The following SEC24B variants were observed in gnomAD, a reference collection of about 807,000 sequenced individuals.
SEC24B encodes the protein protein transport protein Sec24B.
SEC24B carries 45 observed loss-of-function variants against 142.8 expected under a neutral mutation model. The ratio of observed to expected loss-of-function variants is 0.32; its 90% CI spans 0.25 to 0.40. SEC24B has a LOEUF of 0.40. Among genes scored for constraint, SEC24B ranks in the 10% least tolerant of loss-of-function variants. The pLI, the probability that SEC24B is intolerant of heterozygous loss-of-function variation, is 1.00. For synonymous variants in SEC24B, 574 were observed against 568.2 expected (o/e 1.01, Z -0.15); for missense variants, 1,409 against 1,526.8 (o/e 0.92, Z 1.29).
At chr4:109,472,285 G>A (rs1297311337) in intron 2 of SEC24B, among the ~76,000 whole-genome samples, 14 of 152,040 alleles carry the variant, frequency 9.2e-5, no homozygotes, top group Admixed American at 9.2e-4. Flanking sequence ...GTTATCTCTT[G>A]GTTGGATAAT....
intron 3 of SEC24B, among the ~76,000 whole-genome samples, chr4:109,477,560 G>A (rs1163255040): frequency 1.3e-5 from 2 of 151,984 alleles, no homozygotes; most frequent in Non-Finnish European, 2.9e-5. Flanking sequence ...TCCCAGGCTC[G>A]AGTGATTATC....
At chr4:109,525,900 T>A (rs1212903331) in intron 16 of SEC24B, among the ~76,000 whole-genome samples, 2 of 152,158 alleles carry the variant, frequency 1.3e-5, no homozygotes, top group Non-Finnish European at 2.9e-5. Flanking sequence ...TTATTTTAAA[T>A]CTAGGATGAG....
In SEC24B at chr4:109,540,570, C is replaced by G. The variant is rs928728727; in HGVS notation, c.*895C>G. ...TACTAATTGGGGAAGTGCAGTGATA[C>G]TGCATTTCAGTTAGTAATATATATG... On this transcript the variant is annotated 3_prime_UTR_variant, in exon 24 of 24. Coordinates refer to ENST00000265175, the MANE Select transcript of SEC24B (RefSeq NM_006323.5). The G allele has an allele frequency of 5.3e-5, 8 of 151,980 alleles. No homozygotes were observed. The highest frequency in any genetic ancestry group is 1.9e-4 in the African/African-American group (8 of 41,368). 9.4% of individuals were successfully genotyped at this position (151,980 alleles called of 1,614,324 possible).
Position 109,463,018 on chromosome 4 carries a change from A to T in SEC24B, c.251A>T (p.Asp84Val). 1 of 1,614,090 alleles carries T rather than the reference A, an allele frequency of 6.2e-7. No homozygotes were observed. Among genetic ancestry groups the T allele is most frequent in the Non-Finnish European group, 8.5e-7 (1 of 1,180,000 alleles). The change falls in exon 2 of 24, where the codon GAT becomes GTT. Residue 84 changes from aspartate to valine, a missense_variant. Coordinates refer to ENST00000265175, the MANE Select transcript of SEC24B (RefSeq NM_006323.5). The stretch of plus-strand genomic sequence containing the variant: ...GGGAAAATGACCTCATTGCCATTGG[A>T]TACCCAGTGTGGTGATTACTACTCT... ...GPGKMTSLPLDTQCGDYYSAL... is the reference protein window; with the variant it reads ...GPGKMTSLPLVTQCGDYYSAL...
intron 1 of SEC24B, among the ~76,000 whole-genome samples, chr4:109,446,414 A>T (rs1191126971): frequency 6.6e-6 from 1 of 152,206 alleles, no homozygotes; most frequent in Non-Finnish European, 1.5e-5. Context: ...TCCAAAGGGA[A>T]CCAGCCCTGT....
intron 1 of SEC24B, among the ~76,000 whole-genome samples, chr4:109,452,886 TA>T (rs1275381806): frequency 3.3e-5 from 5 of 152,242 alleles, no homozygotes; most frequent in Admixed American, 1.3e-4. Flanking sequence ...TATTTTATTT[TA>T]TTTTTTTAGA....
intron 1 of SEC24B, among the ~76,000 whole-genome samples, chr4:109,445,012 C>T (rs915350098): frequency 6.6e-6 from 1 of 152,124 alleles, no homozygotes; most frequent in African/African-American, 2.4e-5. Flanking sequence ...CAACCTCGAT[C>T]TCCTGGGGTC....
intron 9 of SEC24B, among the ~76,000 whole-genome samples, chr4:109,512,569 C>G (rs1482231234): frequency 6.6e-6 from 1 of 151,942 alleles, no homozygotes; most frequent in Non-Finnish European, 1.5e-5. Flanking sequence ...AAATAGGATA[C>G]AAGTCTAAGA....
chr4:109,443,807 C>A (rs1445721264), intron 1 of SEC24B, among the ~76,000 whole-genome samples: 1 of 152,152 alleles, frequency 6.6e-6, no homozygotes, highest in African/African-American at 2.4e-5. Context: ...GTTAGAACTT[C>A]AGCTATATCT....
intron 6 of SEC24B, among the ~76,000 whole-genome samples, chr4:109,495,397 G>A (rs906892367): frequency 2.6e-5 from 4 of 152,058 alleles, no homozygotes; most frequent in South Asian, 2.1e-4. Context: ...CCGGTGGTTC[G>A]TCATCTTGCA....
chr4:109,494,502 A>C (rs1735331979), intron 5 of SEC24B, 113 bp from the exon 6 acceptor site: 2 of 1,394,056 alleles, frequency 1.4e-6, no homozygotes, highest in Admixed American at 2.1e-5. Context: ...TCTTAGAATA[A>C]AAAGCTTTAA....
rs1019679119 is a variant in SEC24B, at chr4:109,501,865, G to A, written c.1489-4463G>A. On this transcript the variant is annotated intron_variant, in intron 6 of 23. Coordinates refer to ENST00000265175, the MANE Select transcript of SEC24B (RefSeq NM_006323.5). ...GTACTATTCTAGGCACTGAGAATAC[G>A]AGAGGAGGCTCAGTGAACCAAACAG... 3.9e-5 allele frequency among the ~76,000 whole-genome samples: 6 copies of A among 152,230 alleles called. No individual in the cohort carries two copies. In the South Asian group the frequency reaches 6.2e-4, roughly 16 times the overall value.
chr4:109,524,705 T>G, intron 14 of SEC24B, 113 bp from the exon 15 acceptor site: 2 of 891,004 alleles, frequency 2.2e-6, no homozygotes, highest in South Asian at 4.5e-5. Context: ...CCTAGACATT[T>G]AGAAAACTCT....
chr4:109,480,045 T>C (rs1358057981), intron 3 of SEC24B, among the ~76,000 whole-genome samples: 1 of 152,216 alleles, frequency 6.6e-6, no homozygotes, highest in African/African-American at 2.4e-5. Context: ...ATTTTTATTT[T>C]ATTTACATTG....
intron 19 of SEC24B, among the ~76,000 whole-genome samples, chr4:109,530,876 A>G (rs1240933279): frequency 2.0e-5 from 3 of 149,474 alleles, no homozygotes; most frequent in African/African-American, 5.0e-5. Context: ...AGCCTGGGCA[A>G]CAGAGCGAGA....
rs1313236539 is a variant in SEC24B, at chr4:109,513,823, A to T, written c.1980A>T (p.Ser660=). The T allele has an allele frequency of 1.9e-6, 3 of 1,611,886 alleles. No individual in the cohort carries two copies. The highest frequency in any genetic ancestry group is 2.5e-6 in the Non-Finnish European group (3 of 1,178,194). ...EPHKRPEVQN[S]TVEFIASSDY... ...ATAAACGACCAGAAGTTCAGAATTC[A>T]ACTGTGGAGTTCATTGCTTCTTCAG... is the stretch of plus-strand genomic sequence containing the variant. Residue 660 remains serine, a synonymous_variant, in exon 10 of 24, where the codon TCA becomes TCT. Coordinates refer to ENST00000265175, the MANE Select transcript of SEC24B (RefSeq NM_006323.5).
chr4:109,494,845 C>G lies in SEC24B; in HGVS notation c.1477C>G (p.Gln493Glu), dbSNP rs760719115. The G allele has an allele frequency of 2.6e-5, 42 of 1,613,886 alleles. No individual in the cohort carries two copies. The African/African-American group carries it at 4.9e-4, about 19-fold the overall frequency. Residue 493 changes from glutamine (Q) to glutamate (E), a missense_variant, in exon 6 of 24, where the codon CAG (glutamine) becomes GAG (glutamate). Transcript: ENST00000265175. The stretch of plus-strand genomic sequence containing the variant: ...TAACCCGGTATATTCTGGATTCCAG[C>G]AGTATCCTCAAGTATGTATTCAGTC... ...PSNPVYSGFQ[Q>E]YPQQYPGVNQ...
Position 109,517,377 on chromosome 4 carries a change from G to A in SEC24B, c.2126+737G>A, listed in dbSNP as rs183561549. 3.3e-5 allele frequency among the ~76,000 whole-genome samples: 5 copies of A among 152,250 alleles called. No individual in the cohort carries two copies. In the East Asian group the frequency reaches 5.8e-4, roughly 18 times the overall value. ...TAAGTGAAATCAGAACAGATATTGC[G>A]TGTTCTCATTCATTGTGGGAGCTAA... On this transcript the variant is annotated intron_variant, in intron 11 of 23. Coordinates refer to ENST00000265175, the MANE Select transcript of SEC24B (RefSeq NM_006323.5).
At chr4:109,461,853 A>C (rs1406409837) in intron 1 of SEC24B, among the ~76,000 whole-genome samples, 1 of 152,206 alleles carries the variant, frequency 6.6e-6, no homozygotes, top group Admixed American at 6.5e-5. Flanking sequence ...TCATGCCTAT[A>C]ATCCCAGCAT....
Sources: gnomAD v4.1 joint callset for allele counts (sites outside exome capture counted in the v4.1 genomes callset) on GRCh38, gnomAD v4.1.1 for gene constraint, MANE v1.5 for transcripts, NCBI Gene and HGNC (gene_info 2026-07-23, HGNC 2026-07-21) for gene names.